SERPINA6: variants seen among roughly 807,000 people sequenced by gnomAD.
SERPINA6 encodes serpin family A member 6, also known as corticosteroid-binding globulin.
A neutral mutation model predicts 26.4 loss-of-function variants in SERPINA6; 19 were observed. The ratio of observed to expected loss-of-function variants is 0.72; its 90% CI spans 0.50 to 1.06. The LOEUF (loss-of-function observed/expected upper bound fraction) is 1.06, where lower values mean the gene tolerates loss of function less well. Among genes scored for constraint, SERPINA6 ranks in the 50% least tolerant of loss-of-function variants. The probability of loss-of-function intolerance (pLI) is 0.00; values close to 1 mark genes in which losing one functional copy is unlikely to be tolerated. For missense variants in SERPINA6, 473 were observed against 504.0 expected, an observed-to-expected ratio of 0.94 and a Z score of 0.59; for synonymous variants, 196 against 199.4, an observed-to-expected ratio of 0.98 and a Z score of 0.14.
chr14:94,314,506 A>C lies in SERPINA6; in HGVS notation c.143T>G (p.Phe48Cys). The change falls in exon 2 of 5, where the codon TTC becomes TGC. Residue 48 changes from phenylalanine to cysteine, a missense_variant. Coordinates refer to ENST00000341584, the MANE Select transcript of SERPINA6 (RefSeq NM_001756.4). ...GLASANVDFA[F>C]SLYKHLVALS... is the part of the protein sequence containing the mutation. Reference sequence around the variant, plus strand: ...GGCCACTAGGTGCTTATACAGGCTGAAGGCAAAGTCAACGTTGGCTGAAGC... The same window carrying C: ...GGCCACTAGGTGCTTATACAGGCTGCAGGCAAAGTCAACGTTGGCTGAAGC... 6.2e-7 allele frequency: 1 copy of C among 1,614,222 alleles called. No individual in the cohort carries two copies. Among genetic ancestry groups the C allele is most frequent in the African/African-American group, 1.3e-5 (1 of 75,048 alleles).
intron 3 of SERPINA6, among the ~76,000 whole-genome samples, chr14:94,309,490 G>A (rs567844639): frequency 1.2e-4 from 19 of 152,306 alleles, no homozygotes; most frequent in Admixed American, 3.9e-4. Context: ...GAACCTCACA[G>A]GGAAAGGGAA....
chr14:94,320,648 A>G (rs1485106880), intron 1 of SERPINA6, among the ~76,000 whole-genome samples: 1 of 152,208 alleles, frequency 6.6e-6, no homozygotes, highest in East Asian at 1.9e-4. Context: ...CGTGGGAACC[A>G]CTGTTCTGCT....
chr14:94,306,331 T>C (rs1224905549), intron 3 of SERPINA6, 113 bp from the exon 4 acceptor site: 13 of 1,101,822 alleles, frequency 1.2e-5, no homozygotes, highest in Non-Finnish European at 1.6e-5. Context: ...TCCCTCCAGC[T>C]CCTGCCCTCC....
Position 94,314,315 on chromosome 14 carries a change from G to T in SERPINA6, c.334C>A (p.Leu112Met). 6.2e-7 allele frequency: 1 copy of T among 1,614,210 alleles called. No homozygotes were observed. Among genetic ancestry groups the T allele is most frequent in the South Asian group, 1.1e-5 (1 of 91,084 alleles). ...TCTGACTTTGCAAAGAGTTGGTGCA[G>T]GTGCTGGAAACCCTGGTGGATCTCA... ...ETEIHQGFQHLHQLFAKSDTS... is the reference protein window; with the variant it reads ...ETEIHQGFQHMHQLFAKSDTS... Residue 112 changes from leucine to methionine, a missense_variant, in exon 2 of 5, where the codon CTG becomes ATG. By Grantham distance (15) the Leu-to-Met change is conservative (BLOSUM62 2). Transcript: ENST00000341584.
chr14:94,309,897 A>G lies in SERPINA6; in HGVS notation c.723T>C (p.Ser241=), dbSNP rs1275347861. ...AGGGGAGCTCCGAGTCATGAAGGTA[A>G]CTGATGGTGCTCGACTGCAACATCA... ...VPMMLQSSTI[S]YLHDSELPCQ... is the part of the protein sequence containing the mutation. Residue 241 remains serine, a synonymous_variant, in exon 3 of 5, where the codon AGT becomes AGC. Coordinates refer to ENST00000341584, the MANE Select transcript of SERPINA6 (RefSeq NM_001756.4). 2 of 1,614,022 alleles carry G rather than the reference A, an allele frequency of 1.2e-6. No homozygotes were observed. The highest frequency in any genetic ancestry group is 3.3e-5 in the Admixed American group (2 of 59,998).
At chr14:94,309,132 T>G (rs1895486119) in intron 3 of SERPINA6, among the ~76,000 whole-genome samples, 1 of 152,240 alleles carries the variant, frequency 6.6e-6, no homozygotes, top group South Asian at 2.1e-4. Context: ...TGGCCGCTTC[T>G]CCTCCTGGCT....
At chr14:94,322,911 T>C (rs1895704108) in intron 1 of SERPINA6, among the ~76,000 whole-genome samples, 1 of 151,950 alleles carries the variant, frequency 6.6e-6, no homozygotes, top group Non-Finnish European at 1.5e-5. Flanking sequence ...AGCAGATGCA[T>C]TGTAGCTTGC....
At position 94,314,655 on chromosome 14, in the gene SERPINA6, G is replaced by C. The variant is rs1310004488; in HGVS notation, c.-7C>G. 6.2e-6 allele frequency: 10 copies of C among 1,611,946 alleles called. No homozygotes were observed. Among genetic ancestry groups the C allele is most frequent in the Non-Finnish European group, 7.6e-6 (9 of 1,179,984 alleles). On this transcript the variant is annotated 5_prime_UTR_variant, in exon 2 of 5. Transcript: ENST00000341584. ...TGTACAGGAGGAGTGGCATTGTCCA[G>C]TATAGCCAGGCCCTGCCAAATCAGA...
At chr14:94,318,393 A>G (rs972091475) in intron 1 of SERPINA6, among the ~76,000 whole-genome samples, 1 of 152,230 alleles carries the variant, frequency 6.6e-6, no homozygotes, top group African/African-American at 2.4e-5. Context: ...CAAAGTTGAA[A>G]GTCTTGCACT....
chr14:94,313,878 T>A (rs1895568934), intron 2 of SERPINA6, 158 bp downstream of exon 2: 1 of 858,668 alleles, frequency 1.2e-6, no homozygotes, highest in Non-Finnish European at 2.0e-6. Flanking sequence ...ATAATATAAT[T>A]CCACCTACCC....
chr14:94,304,504 G>T lies in SERPINA6; in HGVS notation c.1132C>A (p.Arg378Ser), dbSNP rs1166623585. 8.7e-6 allele frequency: 14 copies of T among 1,614,134 alleles called. No individual in the cohort carries two copies. The highest frequency in any genetic ancestry group is 1.3e-5 in the African/African-American group (1 of 75,034). Reference sequence around the variant, plus strand: ...ATGATGATGAAGGGCTGGTTGAAACGCAAGATGATAGGCTTGGACGTCAGG... The same window carrying T: ...ATGATGATGAAGGGCTGGTTGAAACTCAAGATGATAGGCTTGGACGTCAGG... ...LNLTSKPIIL[R>S]FNQPFIIMIF... The change falls in exon 5 of 5, where the codon CGT (arginine) becomes AGT (serine). Residue 378 changes from arginine to serine, a missense_variant. Physicochemically the swap from Arg to Ser is moderately radical, Grantham distance 110. Transcript: ENST00000341584.
At chr14:94,321,240 GC>G (rs1895681261) in intron 1 of SERPINA6, among the ~76,000 whole-genome samples, 1 of 151,788 alleles carries the variant, frequency 6.6e-6, no homozygotes, top group African/African-American at 2.4e-5. Flanking sequence ...ACTCCCTCCA[GC>G]CCTTTTACCC....
intron 2 of SERPINA6, among the ~76,000 whole-genome samples, chr14:94,311,668 G>A (rs567146746): frequency 1.1e-4 from 17 of 152,136 alleles, no homozygotes; most frequent in African/African-American, 3.1e-4. Flanking sequence ...TGCTGGGTGC[G>A]GTGGCTCACA....
chr14:94,308,235 C>A (rs1203616667), intron 3 of SERPINA6, among the ~76,000 whole-genome samples: 1 of 152,192 alleles, frequency 6.6e-6, no homozygotes, highest in East Asian at 1.9e-4. Context: ...CAACCAGTGG[C>A]ATGTTACATA....
chr14:94,313,529 A>C (rs957122327), intron 2 of SERPINA6, among the ~76,000 whole-genome samples: 6 of 152,220 alleles, frequency 3.9e-5, no homozygotes, highest in African/African-American at 7.2e-5. Context: ...CCCACAGGCC[A>C]TGTGGCTTCT....
At chr14:94,319,937 GT>G (rs1895660892) in intron 1 of SERPINA6, among the ~76,000 whole-genome samples, 1 of 152,046 alleles carries the variant, frequency 6.6e-6, no homozygotes, top group Non-Finnish European at 1.5e-5. Context: ...TAGTTAAAAC[GT>G]TAGGTATTAT....
chr14:94,313,732 A>G (rs758321489), intron 2 of SERPINA6, among the ~76,000 whole-genome samples: 10 of 152,210 alleles, frequency 6.6e-5, no homozygotes, highest in Non-Finnish European at 1.2e-4. Flanking sequence ...TCCCTGGCCC[A>G]GTGCTTGACA....
intron 1 of SERPINA6, 78 bp from the exon 2 acceptor site, chr14:94,314,745 A>G (rs938448952): frequency 1.4e-6 from 2 of 1,394,240 alleles, no homozygotes; most frequent in Non-Finnish European, 2.0e-6. Context: ...GAGGCAGGCA[A>G]AAGACCCCAT....
At chr14:94,307,134 G>A (rs1482887625) in intron 3 of SERPINA6, among the ~76,000 whole-genome samples, 1 of 152,186 alleles carries the variant, frequency 6.6e-6, no homozygotes, top group Non-Finnish European at 1.5e-5. Flanking sequence ...TTCTCCAGGT[G>A]CGGAAATAGT....
Sources: allele counts gnomAD v4.1 joint callset (sites outside exome capture counted in the v4.1 genomes callset), GRCh38; gene constraint gnomAD v4.1.1; transcripts MANE v1.5; gene names NCBI Gene and HGNC (gene_info 2026-07-23, HGNC 2026-07-21).